The following SLC4A3 variants were observed in gnomAD, a reference collection of about 807,000 sequenced individuals.
SLC4A3 encodes the protein anion exchange protein 3.
SLC4A3 carries 47 observed loss-of-function variants against 114.2 expected under a neutral mutation model. That is an observed-to-expected ratio of 0.41 (90% confidence interval 0.33 to 0.52). The LOEUF (loss-of-function observed/expected upper bound fraction) is 0.52, where lower values mean the gene tolerates loss of function less well. Among genes scored for constraint, SLC4A3 ranks in the 20% least tolerant of loss-of-function variants. SLC4A3 has a pLI of 0.21. For missense variants in SLC4A3, 1,312 were observed against 1,668.3 expected, an observed-to-expected ratio of 0.79 and a Z score of 3.72; for synonymous variants, 693 against 710.3, an observed-to-expected ratio of 0.98 and a Z score of 0.39.
At position 219,633,991 on chromosome 2, in the gene SLC4A3, C is replaced by G. The variant is rs375484833; in HGVS notation, c.1561+12C>G. 3 of 1,543,214 alleles carry G rather than the reference C, an allele frequency of 1.9e-6. No homozygotes were observed. Among genetic ancestry groups the G allele is most frequent in the Non-Finnish European group, 2.6e-6 (3 of 1,142,572 alleles). On this transcript the variant is annotated intron_variant, in intron 11 of 22. Coordinates refer to ENST00000358055, the MANE Select transcript of SLC4A3 (RefSeq NM_005070.4). ...GGTTGTGCTTGTGGGTGAGGAGGGCCGGGCGCCGGGGGCAGGGTCTGCAGT... is the reference window on the plus strand; with the variant it reads ...GGTTGTGCTTGTGGGTGAGGAGGGCGGGGCGCCGGGGGCAGGGTCTGCAGT...
In SLC4A3 at chr2:219,639,611, C is replaced by T. The variant is rs777006500; in HGVS notation, c.3153C>T (p.Val1051=). 1.2e-6 allele frequency: 2 copies of T among 1,614,004 alleles called. No homozygotes were observed. Among genetic ancestry groups the T allele is most frequent in the Non-Finnish European group, 1.7e-6 (2 of 1,180,034 alleles). The part of the protein sequence containing the change: ...FGLPWLTAAT[V]RSVTHVNALT... ...TGCCCTGGCTCACGGCTGCCACGGT[C>T]CGCTCCGTCACCCATGTCAATGCGT... Residue 1051 remains valine, a synonymous_variant, in exon 20 of 23, where the codon GTC becomes GTT. Coordinates refer to ENST00000358055, the MANE Select transcript of SLC4A3 (RefSeq NM_005070.4). This position sits in a 1 kb window ranked among gnomAD's most constrained non-coding sequence, Gnocchi z 5.9.
In SLC4A3 at chr2:219,641,220, G is replaced by T. The variant is rs1054241985; in HGVS notation, c.3621+258G>T. On this transcript the variant is annotated intron_variant, in intron 22 of 22. Coordinates refer to ENST00000358055, the MANE Select transcript of SLC4A3 (RefSeq NM_005070.4). This position sits in a 1 kb window ranked among gnomAD's most constrained non-coding sequence, Gnocchi z 4.0. ...GTGGTTTTGTAAGGGAGTTGGCACG[G>T]GGCTGCTGCACACAGCTGTGCAGGT... Among the ~76,000 whole-genome samples the T allele has an allele frequency of 3.3e-5, 5 of 152,166 alleles. No homozygotes were observed. Among genetic ancestry groups the T allele is most frequent in the Non-Finnish European group, 7.3e-5 (5 of 68,040 alleles).
In SLC4A3 at chr2:219,637,692, C is replaced by G. The variant is rs201418019; in HGVS notation, c.2647C>G (p.Pro883Ala). The G allele has an allele frequency of 6.2e-7, 1 of 1,612,088 alleles. No homozygotes were observed. Among genetic ancestry groups the G allele is most frequent in the East Asian group, 2.2e-5 (1 of 44,866 alleles). The change falls in exon 17 of 23, where the codon CCC (proline) becomes GCC (alanine). Residue 883 changes from proline (P) to alanine (A), a missense_variant. Pro to Ala is a conservative substitution (Grantham distance 27, BLOSUM62 -1). This residue lies in a region of SLC4A3 where 771 missense variants were observed against 977.7 expected (regional missense o/e 0.79). Coordinates refer to ENST00000358055, the MANE Select transcript of SLC4A3 (RefSeq NM_005070.4). The surrounding 1 kb of genome is among the most constrained non-coding windows in gnomAD (Gnocchi z 4.6). ...NGSALPPTEGPPSPRNQPNTA... is the reference protein window; with the variant it reads ...NGSALPPTEGAPSPRNQPNTA... The stretch of plus-strand genomic sequence containing the variant: ...CAGTGCCCTGCCCCCCACCGAGGGC[C>G]CCCCCAGCCCGAGGAACCAGCCCAA...
rs756766311 is a variant in SLC4A3, at chr2:219,632,011, G to GAA, written c.859_860dup (p.Pro288SerfsTer39). The GAA allele has an allele frequency of 1.9e-6, 3 of 1,613,202 alleles. No individual in the cohort carries two copies. Among genetic ancestry groups the GAA allele is most frequent in the Non-Finnish European group, 2.5e-6 (3 of 1,179,682 alleles). Reference sequence around the variant, plus strand: ...ACCCTGGTGTGCGGCGACACTTAGTGAAAAAGCCCTCCCGGACGCAGGGCG... The same window carrying GAA: ...ACCCTGGTGTGCGGCGACACTTAGTGAAAAAAAGCCCTCCCGGACGCAGGGCG... On this transcript the variant is annotated frameshift_variant, in exon 7 of 23. Coordinates refer to ENST00000358055, the MANE Select transcript of SLC4A3 (RefSeq NM_005070.4). LOFTEE classifies it high-confidence loss of function.
chr2:219,629,450 G>A, intron 4 of SLC4A3, 29 bp downstream of exon 4: 1 of 1,599,112 alleles, frequency 6.3e-7, no homozygotes, highest in Non-Finnish European at 8.5e-7. Context: ...AGGGGTGGCA[G>A]GTCAGGGGTC....
Position 219,641,308 on chromosome 2 carries a change from C to G in SLC4A3, c.3622-343C>G, listed in dbSNP as rs1474229844. Among the ~76,000 whole-genome samples the G allele has an allele frequency of 6.6e-6, 1 of 152,180 alleles. No individual in the cohort carries two copies. The highest frequency in any genetic ancestry group is 2.4e-5 in the African/African-American group (1 of 41,444). ...GGTTGATGTGGCACTGGTGTCCACC[C>G]TGAGCCCTGTTTTTGTCAACTAGAG... On this transcript the variant is annotated intron_variant, in intron 22 of 22. Transcript: ENST00000358055. The surrounding 1 kb of genome is among the most constrained non-coding windows in gnomAD (Gnocchi z 4.0).
rs1698819763 is a variant in SLC4A3, at chr2:219,629,005, G to A, written c.218-139G>A. 3.0e-6 allele frequency: 3 copies of A among 1,009,366 alleles called. No individual in the cohort carries two copies. The East Asian group carries it at 7.9e-5, about 27-fold the overall frequency. 62.5% of individuals were successfully genotyped at this position (1,009,366 alleles called of 1,614,324 possible). On this transcript the variant is annotated intron_variant, in intron 3 of 22. Transcript: ENST00000358055. The stretch of plus-strand genomic sequence containing the variant: ...CATCAATGACAGGCACGTGGACACA[G>A]GTGTTGGGGGGTCATGGCCCTGGAG...
rs368249966 is a variant in SLC4A3, at chr2:219,628,373, G to A, written c.52-32G>A. 4.9e-5 allele frequency: 78 copies of A among 1,580,616 alleles called. No individual in the cohort carries two copies. In the African/African-American group the frequency reaches 1.0e-3, roughly 21 times the overall value. On this transcript the variant is annotated intron_variant, in intron 2 of 22. Transcript: ENST00000358055. The surrounding 1 kb of genome is among the most constrained non-coding windows in gnomAD (Gnocchi z 4.8). ...TGGGTGTGGGGCCTTCATGGGTCAG[G>A]GGTCCTTAGCAGAGGCCGTCTGGGC...
chr2:219,634,742 G>C, intron 12 of SLC4A3, 138 bp downstream of exon 12: 1 of 900,330 alleles, frequency 1.1e-6, no homozygotes, highest in South Asian at 1.8e-5. Flanking sequence ...GGGTGGTGGG[G>C]GGAGCTGTTG....
rs140366514 is a variant in SLC4A3, at chr2:219,635,360, C to T, written c.1836C>T (p.Pro612=). Residue 612 remains proline, a synonymous_variant, in exon 13 of 23, where the codon CCC becomes CCT. Transcript: ENST00000358055. ...TCCTGGATGGCAGCATTGTGATCCC[C>T]CCGTCCGAGGTGGAGGGCCGTGACC... The part of the protein sequence containing the change: ...SEFLDGSIVI[P]PSEVEGRDLL... 2.5e-6 allele frequency: 4 copies of T among 1,614,180 alleles called. No individual in the cohort carries two copies. Among genetic ancestry groups the T allele is most frequent in the Admixed American group, 1.7e-5 (1 of 60,028 alleles).
Position 219,627,909 on chromosome 2 carries a change from C to A in SLC4A3, c.-84C>A. ...CGCCCTCCTCCCCCAGGGCTCCCCGCTAGGCCCCCTCAGTGGCCCCTCCTT... is the reference window on the plus strand; with the variant it reads ...CGCCCTCCTCCCCCAGGGCTCCCCGATAGGCCCCCTCAGTGGCCCCTCCTT... On this transcript the variant is annotated 5_prime_UTR_variant, in exon 2 of 23. Coordinates refer to ENST00000358055, the MANE Select transcript of SLC4A3 (RefSeq NM_005070.4). 2 of 1,176,142 alleles carry A rather than the reference C, an allele frequency of 1.7e-6. No individual in the cohort carries two copies. The highest frequency in any genetic ancestry group is 2.5e-6 in the Non-Finnish European group (2 of 815,388). The allele number at this position is 1,176,142 out of a possible 1,614,324, so 72.9% of individuals were successfully genotyped here. A position where few individuals can be genotyped will look rare whatever the true frequency, so the allele number is the denominator to read the frequency against.
At position 219,638,671 on chromosome 2, in the gene SLC4A3, G is replaced by C. The variant is rs1356570877; in HGVS notation, c.2857-32G>C. 1 of 1,606,946 alleles carries C rather than the reference G, an allele frequency of 6.2e-7. No individual in the cohort carries two copies. Among genetic ancestry groups the C allele is most frequent in the South Asian group, 1.1e-5 (1 of 90,548 alleles). ...GTGGGCTTTCTAGCATGGGGAGGCTGTGTCCCTGAACCCTGTTTTCCTGCC... is the reference window on the plus strand; with the variant it reads ...GTGGGCTTTCTAGCATGGGGAGGCTCTGTCCCTGAACCCTGTTTTCCTGCC... On this transcript the variant is annotated intron_variant, in intron 18 of 22. Transcript: ENST00000358055. The surrounding 1 kb of genome is among the most constrained non-coding windows in gnomAD (Gnocchi z 7.5).
chr2:219,630,430 G>C lies in SLC4A3; in HGVS notation c.811+78G>C. The C allele has an allele frequency of 2.7e-6, 4 of 1,467,658 alleles. No individual in the cohort carries two copies. In the South Asian group the frequency reaches 5.2e-5, roughly 19 times the overall value. 90.9% of individuals were successfully genotyped at this position (1,467,658 alleles called of 1,614,324 possible). A position where few individuals can be genotyped will look rare whatever the true frequency, so the allele number is the denominator to read the frequency against. ...CTGCGAGTGACCTTGGAGAGGCTCT[G>C]AGCTGTCCCCTGCTAAGGGCTGAGT... On this transcript the variant is annotated intron_variant, in intron 6 of 22. Transcript: ENST00000358055. This position sits in a 1 kb window ranked among gnomAD's most constrained non-coding sequence, Gnocchi z 6.9.
chr2:219,630,994 G>C lies in SLC4A3; in HGVS notation c.811+642G>C. ...GAAAGTTGCCAGGGCCTGAGGACAG[G>C]GACAGGAACAATCCGATGGCAGCAG... On this transcript the variant is annotated intron_variant, in intron 6 of 22. Transcript: ENST00000358055. The surrounding 1 kb of genome is among the most constrained non-coding windows in gnomAD (Gnocchi z 6.9). 2.0e-6 allele frequency: 1 copy of C among 495,722 alleles called. No homozygotes were observed. 30.7% of individuals were successfully genotyped at this position (495,722 alleles called of 1,614,324 possible).
chr2:219,631,826 TG>T lies in SLC4A3; in HGVS notation c.812-139del. On this transcript the variant is annotated intron_variant, in intron 6 of 22. Transcript: ENST00000358055. This position sits in a 1 kb window ranked among gnomAD's most constrained non-coding sequence, Gnocchi z 6.3. Reference sequence around the variant, plus strand: ...TCTTCTTATCAATGAAATGGCCACATGGGATTATGTGGTTCCCGTCGGCATG... The same window carrying T: ...TCTTCTTATCAATGAAATGGCCACATGGATTATGTGGTTCCCGTCGGCATG... 3.3e-6 allele frequency: 3 copies of T among 904,662 alleles called. No homozygotes were observed. Among genetic ancestry groups the T allele is most frequent in the Non-Finnish European group, 5.1e-6 (3 of 591,254 alleles). 56.0% of individuals were successfully genotyped at this position (904,662 alleles called of 1,614,324 possible).
Position 219,628,300 on chromosome 2 carries a change from T to C in SLC4A3, c.52-105T>C. The C allele has an allele frequency of 1.6e-6, 2 of 1,223,402 alleles. No homozygotes were observed. Among genetic ancestry groups the C allele is most frequent in the Non-Finnish European group, 2.2e-6 (2 of 891,902 alleles). The allele number at this position is 1,223,402 out of a possible 1,614,324, so 75.8% of individuals were successfully genotyped here. A position where few individuals can be genotyped will look rare whatever the true frequency, so the allele number is the denominator to read the frequency against. On this transcript the variant is annotated intron_variant, in intron 2 of 22. Coordinates refer to ENST00000358055, the MANE Select transcript of SLC4A3 (RefSeq NM_005070.4). This position sits in a 1 kb window ranked among gnomAD's most constrained non-coding sequence, Gnocchi z 4.8. Reference sequence around the variant, plus strand: ...CTGGGAGCAAGGGGAGGGGGCCCGATGGTGTGAGAGCCTGCTGAGCTCCCC... The same window carrying C: ...CTGGGAGCAAGGGGAGGGGGCCCGACGGTGTGAGAGCCTGCTGAGCTCCCC...
At position 219,637,337 on chromosome 2, in the gene SLC4A3, G is replaced by A. The variant is rs1336386683; in HGVS notation, c.2536-244G>A. Among the ~76,000 whole-genome samples, 1 of 151,448 alleles carries A rather than the reference G, an allele frequency of 6.6e-6. No individual in the cohort carries two copies. The highest frequency in any genetic ancestry group is 2.4e-5 in the African/African-American group (1 of 41,198). On this transcript the variant is annotated intron_variant, in intron 16 of 22. Coordinates refer to ENST00000358055, the MANE Select transcript of SLC4A3 (RefSeq NM_005070.4). The surrounding 1 kb of genome is among the most constrained non-coding windows in gnomAD (Gnocchi z 4.6). ...TGTATGTTGTGTGTGTGGTGTGTAT[G>A]TGGTATGTTGTGTTTTTTTTGTGTT...
Position 219,636,359 on chromosome 2 carries a change from T to C in SLC4A3, c.2249T>C (p.Leu750Pro). Residue 750 changes from leucine to proline, a missense_variant, in exon 15 of 23, where the codon CTC becomes CCC. Transcript: ENST00000358055. This position sits in a 1 kb window ranked among gnomAD's most constrained non-coding sequence, Gnocchi z 5.5. ...GAGCTGATCGTGTCCACCGCTGTGCTCGGCGTCCTCTTCTCTCTGCTGGGA... is the reference window on the plus strand; with the variant it reads ...GAGCTGATCGTGTCCACCGCTGTGCCCGGCGTCCTCTTCTCTCTGCTGGGA... ...VSELIVSTAV[L>P]GVLFSLLGAQ... 6.2e-7 allele frequency: 1 copy of C among 1,613,842 alleles called. No homozygotes were observed. The highest frequency in any genetic ancestry group is 8.5e-7 in the Non-Finnish European group (1 of 1,179,922).
chr2:219,629,057 G>A (rs1225888242), intron 3 of SLC4A3, 87 bp from the exon 4 acceptor site: 1 of 1,454,776 alleles, frequency 6.9e-7, no homozygotes, highest in Non-Finnish European at 9.1e-7. Context: ...CTTGTTTGCG[G>A]CCTTGAGCTG....
Sources: gnomAD v4.1 joint callset for allele counts (sites outside exome capture counted in the v4.1 genomes callset) on GRCh38, gnomAD v4.1.1 for gene constraint, gnomAD v4.1.1 regional missense constraint, Gnocchi (gnomAD v3.1) non-coding constraint, MANE v1.5 for transcripts, NCBI Gene and HGNC (gene_info 2026-07-23, HGNC 2026-07-21) for gene names.